The following VAV3 variants were observed in gnomAD, a reference collection of about 807,000 sequenced individuals.
VAV3 encodes the protein vav guanine nucleotide exchange factor 3.
Under a neutral mutation model 131.2 loss-of-function variants are expected in VAV3, and 94 were observed. The ratio of observed to expected loss-of-function variants is 0.72; its 90% confidence interval spans 0.61 to 0.85. VAV3 has a LOEUF of 0.85. VAV3 is among the 40% of genes least tolerant of loss of function. The pLI is 0.00. For missense variants in VAV3, 939 were observed against 1,002.7 expected (o/e 0.94, Z 0.86); for synonymous variants, 349 against 342.0 (o/e 1.02, Z -0.22).
chr1:107,728,594 C>CGTATATGTATAT (rs1475395280), intron 15 of VAV3, among the ~76,000 whole-genome samples: 23 of 69,258 alleles, frequency 3.3e-4, no homozygotes, highest in South Asian at 1.1e-3. Context: ...CATATGTATA[C>CGTATATGTATAT]GTATACGTAT....
intron 21 of VAV3, among the ~76,000 whole-genome samples, chr1:107,617,079 T>G (rs1653210580): frequency 6.6e-6 from 1 of 152,172 alleles, no homozygotes; most frequent in Non-Finnish European, 1.5e-5. Flanking sequence ...TTTCAGAAAA[T>G]TCCATTATGA....
At chr1:107,851,139 T>TCCAGCTTGGGAGAAAGAGTGAGACTCCC (rs1441315946) in intron 2 of VAV3, among the ~76,000 whole-genome samples, 5 of 135,978 alleles carry the variant, frequency 3.7e-5, no homozygotes, top group African/African-American at 1.4e-4. Context: ...GCCACTGCAG[T>TCCAGCTTGGGAGAAAGAGTGAGACTCCC]CCAGCTTGGG....
At chr1:107,663,514 T>G (rs1251771759) in intron 19 of VAV3, among the ~76,000 whole-genome samples, 2 of 152,164 alleles carry the variant, frequency 1.3e-5, no homozygotes, top group Non-Finnish European at 2.9e-5. Context: ...AAAAAATGGT[T>G]TGATAAGCTC....
intron 25 of VAV3, among the ~76,000 whole-genome samples, chr1:107,586,560 T>C (rs2101031506): frequency 6.6e-6 from 1 of 152,240 alleles, no homozygotes; most frequent in South Asian, 2.1e-4. Flanking sequence ...AGTCAGGCAA[T>C]ATTGAAATTT....
chr1:107,935,942 G>A (rs1673689511), intron 1 of VAV3, among the ~76,000 whole-genome samples: 1 of 152,164 alleles, frequency 6.6e-6, no homozygotes, highest in African/African-American at 2.4e-5. Context: ...TCAAAGAGGT[G>A]AAAATACCCC....
At chr1:107,698,304 A>T (rs1367853479) in intron 17 of VAV3, among the ~76,000 whole-genome samples, 2 of 152,204 alleles carry the variant, frequency 1.3e-5, no homozygotes, top group Non-Finnish European at 2.9e-5. Flanking sequence ...AACATGCCCA[A>T]TGAGACTCAC....
chr1:107,777,160 T>C (rs1173705772), intron 4 of VAV3, 71 bp downstream of exon 4: 2 of 1,354,932 alleles, frequency 1.5e-6, no homozygotes, highest in Non-Finnish European at 1.1e-6. Context: ...TACTTTAACA[T>C]CCACAGTTAA....
chr1:107,853,739 A>G (rs1669337933), intron 2 of VAV3, among the ~76,000 whole-genome samples: 1 of 152,252 alleles, frequency 6.6e-6, no homozygotes, highest in Non-Finnish European at 1.5e-5. Flanking sequence ...AATGAAGGTT[A>G]TCCAACATTC....
rs555905970 is a variant in VAV3, at chr1:107,705,595, CTAAG to C, written c.1503-538_1503-535del. Among the ~76,000 whole-genome samples the C allele has an allele frequency of 3.1e-3, 467 of 152,214 alleles. 4 individuals carry two copies. The highest frequency in any genetic ancestry group is 0.011 in the African/African-American group (453 of 41,558). ...CTTAACATTTCACTTTACTCACAAT[CTAAG>C]TAATAATGAAACAAAATAATTTTAC... is the stretch of plus-strand genomic sequence containing the variant. On this transcript the variant is annotated intron_variant, in intron 15 of 26. Transcript: ENST00000370056.
At chr1:107,642,532 G>T in intron 20 of VAV3, 87 bp downstream of exon 20, 1 of 1,488,030 alleles carries the variant, frequency 6.7e-7, no homozygotes, top group South Asian at 1.2e-5. Flanking sequence ...TTTGCACTGT[G>T]GACTCGCCCT....
At chr1:107,928,372 A>G (rs952278429) in intron 1 of VAV3, among the ~76,000 whole-genome samples, 6 of 152,222 alleles carry the variant, frequency 3.9e-5, no homozygotes, top group South Asian at 2.1e-4. Flanking sequence ...CACAAGCACC[A>G]AGACCATCCA....
At chr1:107,841,922 A>G (rs187152815) in intron 2 of VAV3, among the ~76,000 whole-genome samples, 127 of 152,298 alleles carry the variant, frequency 8.3e-4, no homozygotes, top group African/African-American at 2.7e-3. Flanking sequence ...TATTAAAATT[A>G]ATTTTTCACT....
intron 25 of VAV3, among the ~76,000 whole-genome samples, chr1:107,579,729 A>G (rs956503697): frequency 1.3e-5 from 2 of 152,200 alleles, no homozygotes; most frequent in Non-Finnish European, 2.9e-5. Flanking sequence ...TTGCTAAATT[A>G]TGAAATCCAA....
At chr1:107,706,493 C>T (rs567139259) in intron 15 of VAV3, among the ~76,000 whole-genome samples, 5 of 152,188 alleles carry the variant, frequency 3.3e-5, no homozygotes, top group East Asian at 3.9e-4. Context: ...CTCACTTTTT[C>T]GGAAAATGTT....
intron 2 of VAV3, among the ~76,000 whole-genome samples, chr1:107,817,770 G>A (rs540525496): frequency 6.6e-6 from 1 of 152,052 alleles, no homozygotes; most frequent in Non-Finnish European, 1.5e-5. Flanking sequence ...GTCAGAGCTA[G>A]CATAAACCTA....
At chr1:107,753,549 T>TATATATGTATATATATATACAC (rs771773884) in intron 12 of VAV3, among the ~76,000 whole-genome samples, 24 of 82,064 alleles carry the variant, frequency 2.9e-4, no homozygotes, top group South Asian at 1.5e-3. Context: ...TATATATATA[T>TATATATGTATATATATATACAC]ACACACACAC....
At chr1:107,821,293 C>CA (rs1425785337) in intron 2 of VAV3, among the ~76,000 whole-genome samples, 1 of 151,884 alleles carries the variant, frequency 6.6e-6, no homozygotes, top group Non-Finnish European at 1.5e-5. Flanking sequence ...CATTAAAATA[C>CA]AAAAAAGAGT....
intron 15 of VAV3, among the ~76,000 whole-genome samples, chr1:107,713,079 ACTAT>A (rs1451147175): frequency 6.6e-6 from 1 of 152,240 alleles, no homozygotes; most frequent in Non-Finnish European, 1.5e-5. Flanking sequence ...AAAGACTTAT[ACTAT>A]CTATTTGAAA....
At chr1:107,961,415 C>T (rs1301515345) in intron 1 of VAV3, among the ~76,000 whole-genome samples, 2 of 152,132 alleles carry the variant, frequency 1.3e-5, no homozygotes, top group East Asian at 1.9e-4. Flanking sequence ...CACCAGTAGG[C>T]TCTTCTCTTC....
Sources: allele counts gnomAD v4.1 joint callset (sites outside exome capture counted in the v4.1 genomes callset), GRCh38; gene constraint gnomAD v4.1.1; transcripts MANE v1.5; gene names NCBI Gene and HGNC (gene_info 2026-07-23, HGNC 2026-07-21).